ZNF250: variants seen among roughly 807,000 people sequenced by gnomAD.
ZNF250 encodes the protein zinc finger protein 250.
A neutral mutation model predicts 37.1 loss-of-function variants in ZNF250; 13 were observed. The ratio of observed to expected loss-of-function variants is 0.35; its 90% CI spans 0.23 to 0.56. The LOEUF (loss-of-function observed/expected upper bound fraction) is 0.56. Ranked by LOEUF, ZNF250 falls within the 20% of genes least tolerant of loss-of-function variation. ZNF250 has a pLI of 0.87. For missense variants in ZNF250, 474 were observed against 697.9 expected (o/e 0.68, Z 3.61); for synonymous variants, 251 against 265.6 (o/e 0.94, Z 0.54).
At chr8:144,889,885 C>T in intron 3 of ZNF250, 48 bp downstream of exon 3, 1 of 1,556,390 alleles carries the variant, frequency 6.4e-7, no homozygotes, top group South Asian at 1.2e-5. Context: ...AGCCCCCACC[C>T]CAGTCCAATA....
chr8:144,883,668 G>A (rs1481885304), intron 5 of ZNF250, among the ~76,000 whole-genome samples: 1 of 151,540 alleles, frequency 6.6e-6, no homozygotes, highest in Non-Finnish European at 1.5e-5. Flanking sequence ...TGTGGAGAAT[G>A]CAGTGGCAGG....
intron 1 of ZNF250, among the ~76,000 whole-genome samples, chr8:144,898,799 A>G (rs974689110): frequency 2.0e-5 from 3 of 152,236 alleles, no homozygotes; most frequent in Non-Finnish European, 4.4e-5. Flanking sequence ...TTTATCAAAA[A>G]AAGACAATAT....
At chr8:144,899,242 G>T (rs1055452221) in intron 1 of ZNF250, among the ~76,000 whole-genome samples, 14 of 152,224 alleles carry the variant, frequency 9.2e-5, no homozygotes, top group African/African-American at 3.4e-4. Flanking sequence ...GGGTTGGGGG[G>T]AGGTATGAGA....
chr8:144,898,640 A>G (rs762812845), intron 1 of ZNF250, among the ~76,000 whole-genome samples: 2 of 152,248 alleles, frequency 1.3e-5, no homozygotes, highest in Non-Finnish European at 2.9e-5. Flanking sequence ...CAATCAGCAG[A>G]GTGAAGAAAC....
chr8:144,888,535 T>C (rs569829985), intron 4 of ZNF250, among the ~76,000 whole-genome samples: 6 of 145,714 alleles, frequency 4.1e-5, no homozygotes, highest in Admixed American at 7.2e-5. Context: ...CGGCGGAGCT[T>C]GCAGTGACCC....
At position 144,899,156 on chromosome 8, in the gene ZNF250, C is replaced by T. The variant is rs114861256; in HGVS notation, c.-55+2243G>A. Reference sequence around the variant, plus strand: ...AAGACAAATATTGCATGTTTTCACTCGTATGTGTGAGTTAAAAAAGTTGGT... The same window carrying T: ...AAGACAAATATTGCATGTTTTCACTTGTATGTGTGAGTTAAAAAAGTTGGT... On this transcript the variant is annotated intron_variant, in intron 1 of 5. Coordinates refer to ENST00000417550, the MANE Select transcript of ZNF250 (RefSeq NM_001109689.4). 3.5e-3 allele frequency among the ~76,000 whole-genome samples: 528 copies of T among 151,592 alleles called. 2 individuals are homozygous for T. Among genetic ancestry groups the T allele is most frequent in the African/African-American group, 0.012 (502 of 41,242 alleles).
rs140313147 is a variant in ZNF250, at chr8:144,882,333, G to A, written c.850C>T (p.Arg284Trp). 2.5e-6 allele frequency: 4 copies of A among 1,613,726 alleles called. No homozygotes were observed. Among genetic ancestry groups the A allele is most frequent in the East Asian group, 2.2e-5 (1 of 44,866 alleles). ...GEKPHECLEC[R>W]KAFTQLSHLI... ...TGTGAGAGTTGAGTGAAGGCTTTCC[G>A]ACACTCAAGACATTCGTGAGGCTTC... is the stretch of plus-strand genomic sequence containing the variant. The change falls in exon 6 of 6, where the codon CGG becomes TGG. Residue 284 changes from arginine (R) to tryptophan (W), a missense_variant. Coordinates refer to ENST00000417550, the MANE Select transcript of ZNF250 (RefSeq NM_001109689.4). This position sits in a 1 kb window ranked among gnomAD's most constrained non-coding sequence, Gnocchi z 5.5.
chr8:144,894,917 G>A (rs540626920), intron 1 of ZNF250, among the ~76,000 whole-genome samples: 1 of 151,992 alleles, frequency 6.6e-6, no homozygotes, highest in Non-Finnish European at 1.5e-5. Context: ...TCCCTCCTTG[G>A]CCTCCGAAAG....
At chr8:144,888,952 T>C (rs1832110997) in intron 4 of ZNF250, among the ~76,000 whole-genome samples, 1 of 152,078 alleles carries the variant, frequency 6.6e-6, no homozygotes, top group African/African-American at 2.4e-5. Flanking sequence ...GTATTTTTAG[T>C]AGAGACAGGG....
chr8:144,890,480 G>T lies in ZNF250; in HGVS notation c.-54-77C>A. The T allele has an allele frequency of 1.2e-6, 1 of 866,986 alleles. No individual in the cohort carries two copies. The highest frequency in any genetic ancestry group is 1.7e-6 in the Non-Finnish European group (1 of 603,370). The allele number at this position is 866,986 out of a possible 1,614,324, so 53.7% of individuals were successfully genotyped here. A position where few individuals can be genotyped will look rare whatever the true frequency, so the allele number is the denominator to read the frequency against. On this transcript the variant is annotated intron_variant, in intron 1 of 5. Transcript: ENST00000417550. This position sits in a 1 kb window ranked among gnomAD's most constrained non-coding sequence, Gnocchi z 5.1. Reference sequence around the variant, plus strand: ...CCTAGGGGGCCCTCAGGGGATCCCTGGGCCTCATTCAGAGTCACTGAGGGG... The same window carrying T: ...CCTAGGGGGCCCTCAGGGGATCCCTTGGCCTCATTCAGAGTCACTGAGGGG...
chr8:144,880,534 C>T lies in ZNF250; in HGVS notation c.*981G>A. On this transcript the variant is annotated 3_prime_UTR_variant, in exon 6 of 6. Transcript: ENST00000417550. ...ATTTTTACTAAAAAGTTAGCATAAC[C>T]TTTCTGATCTTGAATAAAGTTAAAA... The T allele has an allele frequency of 2.2e-6, 1 of 455,596 alleles. No homozygotes were observed. The highest frequency in any genetic ancestry group is 4.4e-6 in the Non-Finnish European group (1 of 226,172). The allele number at this position is 455,596 out of a possible 1,614,324, so 28.2% of individuals were successfully genotyped here.
chr8:144,877,058 T>C lies in ZNF250; in HGVS notation c.*4457A>G, dbSNP rs1335733462. 6.6e-6 allele frequency: 1 copy of C among 152,222 alleles called. No individual in the cohort carries two copies. Among genetic ancestry groups the C allele is most frequent in the African/African-American group, 2.4e-5 (1 of 41,462 alleles). 9.4% of individuals were successfully genotyped at this position (152,222 alleles called of 1,614,324 possible). A position where few individuals can be genotyped will look rare whatever the true frequency, so the allele number is the denominator to read the frequency against. Reference sequence around the variant, plus strand: ...AATAGAAAATTTGAAGAGAACCAAGTTTCAAATTCTTAATAGCTGTTAGAA... The same window carrying C: ...AATAGAAAATTTGAAGAGAACCAAGCTTCAAATTCTTAATAGCTGTTAGAA... On this transcript the variant is annotated 3_prime_UTR_variant, in exon 6 of 6. Transcript: ENST00000417550.
chr8:144,882,150 C>CA lies in ZNF250; in HGVS notation c.1032dup (p.Val345CysfsTer47). 1 of 1,613,754 alleles carries CA rather than the reference C, an allele frequency of 6.2e-7. No individual in the cohort carries two copies. The highest frequency in any genetic ancestry group is 2.2e-5 in the East Asian group (1 of 44,822). The stretch of plus-strand genomic sequence containing the variant: ...TGGTGCTGCAGCAGTGTCCTCTTCA[C>CA]ACTGAAGGTTTTCCCACACTCATTG... On this transcript the variant is annotated frameshift_variant, in exon 6 of 6. Coordinates refer to ENST00000417550, the MANE Select transcript of ZNF250 (RefSeq NM_001109689.4). LOFTEE classifies it high-confidence loss of function. This position sits in a 1 kb window ranked among gnomAD's most constrained non-coding sequence, Gnocchi z 5.5.
intron 1 of ZNF250, chr8:144,895,312 G>T (rs1563899846): frequency 6.6e-6 from 1 of 152,172 alleles, no homozygotes; most frequent in East Asian, 1.9e-4. Context: ...GCATGCAGGG[G>T]AAAATCTCAT....
chr8:144,885,719 C>CT (rs1237518793), intron 5 of ZNF250, among the ~76,000 whole-genome samples: 14 of 152,048 alleles, frequency 9.2e-5, no homozygotes, highest in East Asian at 1.9e-4. Flanking sequence ...TTAGTTCTTT[C>CT]TTTTTTTAAT....
At position 144,879,883 on chromosome 8, in the gene ZNF250, T is replaced by A. The variant is rs943474545; in HGVS notation, c.*1632A>T. The A allele has an allele frequency of 6.6e-6, 1 of 152,238 alleles. No homozygotes were observed. The highest frequency in any genetic ancestry group is 6.5e-5 in the Admixed American group (1 of 15,272). 9.4% of individuals were successfully genotyped at this position (152,238 alleles called of 1,614,324 possible). Reference sequence around the variant, plus strand: ...GAGTTTGAGACCAGCCTGGCCAACATGGTGAAACCTCATCTCTACTAAAAA... The same window carrying A: ...GAGTTTGAGACCAGCCTGGCCAACAAGGTGAAACCTCATCTCTACTAAAAA... On this transcript the variant is annotated 3_prime_UTR_variant, in exon 6 of 6. Transcript: ENST00000417550.
At position 144,881,635 on chromosome 8, in the gene ZNF250, C is replaced by G. The variant is rs1375759425; in HGVS notation, c.1548G>C (p.Val516=). The change falls in exon 6 of 6, where the codon GTG becomes GTC. Residue 516 remains valine, a synonymous_variant. Transcript: ENST00000417550. ...SCGKAFSQYS[V]LIQHQRIHTG... is the part of the protein sequence containing the mutation. ...TGTGGATCCGCTGGTGCTGGATGAG[C>G]ACTGAGTACTGGCTGAAGGCCTTCC... is the stretch of plus-strand genomic sequence containing the variant. 2 of 1,598,350 alleles carry G rather than the reference C, an allele frequency of 1.3e-6. No homozygotes were observed. Among genetic ancestry groups the G allele is most frequent in the Admixed American group, 3.5e-5 (2 of 57,132 alleles).
Position 144,882,073 on chromosome 8 carries a change from G to C in ZNF250, c.1110C>G (p.Ala370=). The C allele has an allele frequency of 6.2e-7, 1 of 1,614,112 alleles. No homozygotes were observed. ...GAATGAGGACTGAGCGGTCGCTGAA[G>C]GCCTTCCCACACTCGCTGCACGTGT... ...KPYTCSECGK[A]FSDRSVLIQH... is the part of the protein sequence containing the mutation. The change falls in exon 6 of 6, where the codon GCC becomes GCG. Residue 370 remains alanine, a synonymous_variant. Transcript: ENST00000417550. This position sits in a 1 kb window ranked among gnomAD's most constrained non-coding sequence, Gnocchi z 5.5.
chr8:144,895,670 C>T (rs1832667497), intron 1 of ZNF250, among the ~76,000 whole-genome samples: 1 of 151,922 alleles, frequency 6.6e-6, no homozygotes, highest in Non-Finnish European at 1.5e-5. Context: ...ACACAAAATG[C>T]AGTATCAGGT....
Sources: gnomAD v4.1 joint callset for allele counts (sites outside exome capture counted in the v4.1 genomes callset) on GRCh38, gnomAD v4.1.1 for gene constraint, Gnocchi (gnomAD v3.1) non-coding constraint, MANE v1.5 for transcripts, NCBI Gene and HGNC (gene_info 2026-07-23, HGNC 2026-07-21) for gene names.